Variants in ARFIP1 observed in about 807,000 individuals in gnomAD.
The protein encoded by ARFIP1 is ARF interacting protein 1.
Under a neutral mutation model 42.5 loss-of-function variants are expected in ARFIP1, and 24 were observed. That is an observed-to-expected ratio of 0.57 (90% CI 0.41 to 0.80). The LOEUF (loss-of-function observed/expected upper bound fraction) is 0.80. ARFIP1 is among the 30% of genes least tolerant of loss of function. The pLI is 0.00. For synonymous variants in ARFIP1, 141 were observed against 153.7 expected, an observed-to-expected ratio of 0.92 and a Z score of 0.61; for missense variants, 354 against 434.0, an observed-to-expected ratio of 0.82 and a Z score of 1.64.
chr4:152,792,481 C>G (rs1449583174), intron 1 of ARFIP1, among the ~76,000 whole-genome samples: 1 of 152,086 alleles, frequency 6.6e-6, no homozygotes, highest in East Asian at 1.9e-4. Flanking sequence ...ATCTGCCCTC[C>G]TGTGTCTTGG....
At chr4:152,827,466 A>C (rs1241735531) in intron 1 of ARFIP1, among the ~76,000 whole-genome samples, 1 of 152,128 alleles carries the variant, frequency 6.6e-6, no homozygotes, top group Non-Finnish European at 1.5e-5. Context: ...GGTGTTGTAC[A>C]TTCTGTGGAT....
intron 1 of ARFIP1, among the ~76,000 whole-genome samples, chr4:152,786,675 C>G (rs1730828813): frequency 1.3e-5 from 2 of 152,166 alleles, no homozygotes; most frequent in South Asian, 4.1e-4. Flanking sequence ...TCTTCCTCCC[C>G]CAGTGCTTTT....
chr4:152,854,519 G>T (rs536860568), intron 2 of ARFIP1, among the ~76,000 whole-genome samples: 1 of 152,108 alleles, frequency 6.6e-6, no homozygotes, highest in Non-Finnish European at 1.5e-5. Flanking sequence ...TCCTTTGGAG[G>T]TATTATATTT....
At chr4:152,879,367 C>T (rs1735636460) in intron 5 of ARFIP1, among the ~76,000 whole-genome samples, 2 of 152,016 alleles carry the variant, frequency 1.3e-5, no homozygotes. Flanking sequence ...CTAAAAATAT[C>T]TGAGATTGTA....
At chr4:152,823,563 G>A (rs934862576) in intron 1 of ARFIP1, among the ~76,000 whole-genome samples, 2 of 152,010 alleles carry the variant, frequency 1.3e-5, no homozygotes, top group Admixed American at 1.3e-4. Flanking sequence ...GAGATCACTT[G>A]AGGTCAGGAG....
chr4:152,845,770 A>C (rs1345188657), intron 2 of ARFIP1, among the ~76,000 whole-genome samples: 1 of 152,246 alleles, frequency 6.6e-6, no homozygotes, highest in Admixed American at 6.5e-5. Context: ...TAGTTCAACC[A>C]CTGTGGAAAG....
At chr4:152,903,008 A>AAAAT (rs1247488775) in intron 8 of ARFIP1, among the ~76,000 whole-genome samples, 1 of 152,210 alleles carries the variant, frequency 6.6e-6, no homozygotes, top group Non-Finnish European at 1.5e-5. Flanking sequence ...TCTTATTTTA[A>AAAAT]AAGTTGTATT....
intron 2 of ARFIP1, among the ~76,000 whole-genome samples, chr4:152,851,869 A>G (rs1390920327): frequency 6.6e-6 from 1 of 152,256 alleles, no homozygotes; most frequent in Non-Finnish European, 1.5e-5. Context: ...TTAATGTCAT[A>G]ATTATAGTAA....
chr4:152,883,639 TAC>T (rs1736028125), intron 7 of ARFIP1, among the ~76,000 whole-genome samples: 1 of 151,546 alleles, frequency 6.6e-6, no homozygotes, highest in Admixed American at 6.6e-5. Flanking sequence ...TATGTATATA[TAC>T]AGTTTCCCTG....
rs1306578782 is a variant in ARFIP1 at position 152,898,008 on chromosome 4, G to A, written c.966+9701G>A. Among the ~76,000 whole-genome samples the A allele has an allele frequency of 1.6e-4, 20 of 126,028 alleles. No homozygotes were observed. In the Admixed American group the frequency reaches 2.0e-3, roughly 12 times the overall value. 82.7% of individuals were successfully genotyped at this position (126,028 alleles called of 152,430 possible). ...CTTTTTTTTTTTTTTTTTTTGAGAC[G>A]AGTCTCGCTCTGTCGCCCAGGCTGG... On this transcript the variant is annotated intron_variant, in intron 8 of 8. Transcript: ENST00000353617.
At chr4:152,867,231 C>T (rs999517292) in intron 3 of ARFIP1, among the ~76,000 whole-genome samples, 1 of 152,212 alleles carries the variant, frequency 6.6e-6, no homozygotes, top group Non-Finnish European at 1.5e-5. Context: ...AACGAGACTC[C>T]GTCTGCAATC....
chr4:152,872,634 A>G, intron 5 of ARFIP1, 70 bp downstream of exon 5: 1 of 794,230 alleles, frequency 1.3e-6, no homozygotes, highest in Non-Finnish European at 1.9e-6. Context: ...TATTCAAGTC[A>G]TTATGTTGCA....
intron 1 of ARFIP1, among the ~76,000 whole-genome samples, chr4:152,802,871 T>C (rs1240060994): frequency 6.6e-6 from 1 of 152,208 alleles, no homozygotes; most frequent in Non-Finnish European, 1.5e-5. Context: ...AAATGCTAAA[T>C]TGTCAAATGT....
chr4:152,797,942 T>C (rs775428234), intron 1 of ARFIP1, among the ~76,000 whole-genome samples: 3 of 152,218 alleles, frequency 2.0e-5, no homozygotes, highest in Non-Finnish European at 2.9e-5. Context: ...ATTTGGCTAA[T>C]ACCGCTGGTA....
chr4:152,903,363 T>C (rs1464350558), intron 8 of ARFIP1, among the ~76,000 whole-genome samples: 1 of 152,156 alleles, frequency 6.6e-6, no homozygotes, highest in African/African-American at 2.4e-5. Context: ...CCAATACTAA[T>C]AGAAAAGTGA....
At chr4:152,815,328 G>GATATTTACA (rs1400704849) in intron 1 of ARFIP1, among the ~76,000 whole-genome samples, 1 of 152,198 alleles carries the variant, frequency 6.6e-6, no homozygotes, top group East Asian at 1.9e-4. Flanking sequence ...CAGAGCTTTA[G>GATATTTACA]ATATTTACTG....
chr4:152,783,074 A>T (rs956695784), intron 1 of ARFIP1, among the ~76,000 whole-genome samples: 5 of 152,308 alleles, frequency 3.3e-5, no homozygotes, highest in African/African-American at 4.8e-5. Flanking sequence ...ACACTTTGGG[A>T]GGCTGTGGCG....
At position 152,808,283 on chromosome 4, in the gene ARFIP1, A is replaced by ATTTTTTTTTTTTTTTTT. The variant is rs61135783; in HGVS notation, c.-9-21324_-9-21308dup. On this transcript the variant is annotated intron_variant, in intron 1 of 8. Transcript: ENST00000353617. Reference sequence around the variant, plus strand: ...GTGTGAGCCACCACGCCTGGCCTCCATTTTTTTTTTTTTTTTTTTTTTTTT... The same window carrying ATTTTTTTTTTTTTTTTT: ...GTGTGAGCCACCACGCCTGGCCTCCATTTTTTTTTTTTTTTTTTTTTTTTTTTTTTTTTTTTTTTTTT... 3.9e-3 allele frequency among the ~76,000 whole-genome samples: 79 copies of ATTTTTTTTTTTTTTTTT among 20,308 alleles called. 10 individuals are homozygous for ATTTTTTTTTTTTTTTTT. The highest frequency in any genetic ancestry group is 9.1e-3 in the Admixed American group (14 of 1,540). 13.3% of individuals were successfully genotyped at this position (20,308 alleles called of 152,430 possible).
In ARFIP1 at chr4:152,910,305, GA is replaced by G; in HGVS notation, c.*87del. 1 of 1,446,428 alleles carries G rather than the reference GA, an allele frequency of 6.9e-7. No homozygotes were observed. 89.6% of individuals were successfully genotyped at this position (1,446,428 alleles called of 1,614,324 possible). A position where few individuals can be genotyped will look rare whatever the true frequency, so the allele number is the denominator to read the frequency against. On this transcript the variant is annotated 3_prime_UTR_variant, in exon 9 of 9. Coordinates refer to ENST00000353617, the MANE Select transcript of ARFIP1 (RefSeq NM_001025595.3). ...AATTAAGCAGAGTTGGGGGAAGTGG[GA>G]GGGGTGACAAGCATTATAGTGATTC...
Sources: allele counts gnomAD v4.1 joint callset (sites outside exome capture counted in the v4.1 genomes callset), GRCh38; gene constraint gnomAD v4.1.1; transcripts MANE v1.5; gene names NCBI Gene and HGNC (gene_info 2026-07-23, HGNC 2026-07-21).